CADPS2: variants seen among roughly 807,000 people sequenced by gnomAD.
The protein encoded by CADPS2 is calcium dependent secretion activator 2.
In CADPS2, 93 loss-of-function variants were observed where a neutral mutation model predicts 172.5. The observed-to-expected ratio is 0.54, with a 90% CI of 0.46 to 0.64. The LOEUF is 0.64. CADPS2 is among the 30% of genes least tolerant of loss of function. The pLI is 0.00. For synonymous variants in CADPS2, 546 were observed against 555.2 expected, an observed-to-expected ratio of 0.98 and a Z score of 0.23; for missense variants, 1,420 against 1,565.9, an observed-to-expected ratio of 0.91 and a Z score of 1.57.
intron 1 of CADPS2, among the ~76,000 whole-genome samples, chr7:122,879,014 T>C (rs1265783160): frequency 6.6e-6 from 1 of 152,084 alleles, no homozygotes; most frequent in African/African-American, 2.4e-5. Context: ...GGCGGGCAGA[T>C]CACCTGAGGC....
At chr7:122,550,058 AGT>A (rs72068486) in intron 8 of CADPS2, among the ~76,000 whole-genome samples, 4,234 of 152,256 alleles carry the variant, frequency 0.028, 73 homozygotes, top group South Asian at 0.055. Flanking sequence ...CTGAATATTT[AGT>A]GTGTGAATGC....
intron 8 of CADPS2, among the ~76,000 whole-genome samples, chr7:122,521,930 A>G (rs912936826): frequency 5.9e-5 from 9 of 152,254 alleles, no homozygotes; most frequent in African/African-American, 1.9e-4. Context: ...AGTTTAAAAC[A>G]GTTTAAGACA....
In CADPS2 at chr7:122,387,789, CA is replaced by C. The variant is rs568205789; in HGVS notation, c.3165-617del. On this transcript the variant is annotated intron_variant, in intron 23 of 29. Transcript: ENST00000449022. ...ATCCACAGAATCGAGACATCAAAAT[CA>C]AAGATGATTTTTAAAAAACATTAAA... Among the ~76,000 whole-genome samples, 506 of 152,096 alleles carry C rather than the reference CA, an allele frequency of 3.3e-3. 12 individuals are homozygous for C. The Middle Eastern group carries it at 0.068, about 20-fold the overall frequency.
At chr7:122,645,603 T>C (rs1415549874) in intron 3 of CADPS2, among the ~76,000 whole-genome samples, 2 of 136,346 alleles carry the variant, frequency 1.5e-5, no homozygotes, top group African/African-American at 5.4e-5. Context: ...TATATATATA[T>C]ATACACACAC....
chr7:122,386,902 T>A (rs921821494), intron 24 of CADPS2, 124 bp downstream of exon 24: 7 of 932,456 alleles, frequency 7.5e-6, no homozygotes, highest in Non-Finnish European at 9.4e-6. Flanking sequence ...ATAGTAAAGA[T>A]CAAACGTTTG....
intron 8 of CADPS2, among the ~76,000 whole-genome samples, chr7:122,549,614 C>G (rs2063998825): frequency 6.8e-6 from 1 of 146,726 alleles, no homozygotes; most frequent in African/African-American, 2.6e-5. Flanking sequence ...GAGTGAGACT[C>G]TGTCTTAAAA....
chr7:122,680,136 AC>A (rs2082866520), intron 2 of CADPS2, among the ~76,000 whole-genome samples: 1 of 152,238 alleles, frequency 6.6e-6, no homozygotes. Flanking sequence ...TTCTTGGCAC[AC>A]AAAAAAAGTA....
At position 122,763,347 on chromosome 7, in the gene CADPS2, G is replaced by C. The variant is rs559649415; in HGVS notation, c.340-26279C>G. On this transcript the variant is annotated intron_variant, in intron 1 of 29. Transcript: ENST00000449022. ...AAAAGCAAAGGGGATAGTGTGATGA[G>C]AGTGCTGAATCCTACTCCACGACAA... 3.3e-5 allele frequency among the ~76,000 whole-genome samples: 5 copies of C among 152,278 alleles called. No individual in the cohort carries two copies. In the South Asian group the frequency reaches 6.2e-4, roughly 19 times the overall value.
intron 3 of CADPS2, among the ~76,000 whole-genome samples, chr7:122,644,670 A>G (rs1269795610): frequency 3.9e-5 from 6 of 152,180 alleles, no homozygotes; most frequent in Non-Finnish European, 8.8e-5. Context: ...AACAAAAATA[A>G]AAACTGGTCC....
At chr7:122,689,807 CTT>C (rs1461736824) in intron 2 of CADPS2, among the ~76,000 whole-genome samples, 1 of 152,192 alleles carries the variant, frequency 6.6e-6, no homozygotes, top group Non-Finnish European at 1.5e-5. Context: ...CCCACAGTGA[CTT>C]TACCCCAGTG....
intron 3 of CADPS2, among the ~76,000 whole-genome samples, chr7:122,656,690 C>T (rs1473881779): frequency 6.6e-6 from 1 of 152,156 alleles, no homozygotes; most frequent in East Asian, 1.9e-4. Context: ...AAAAGAGCTG[C>T]AGGATGTAGA....
intron 27 of CADPS2, among the ~76,000 whole-genome samples, chr7:122,348,252 A>G (rs1005788245): frequency 2.6e-5 from 4 of 152,188 alleles, no homozygotes; most frequent in African/African-American, 9.6e-5. Flanking sequence ...TTTACCATAG[A>G]CACTACGGTA....
intron 1 of CADPS2, among the ~76,000 whole-genome samples, chr7:122,882,618 T>C (rs1823219340): frequency 2.2e-5 from 1 of 46,356 alleles, no homozygotes. Context: ...CAAGGAACCC[T>C]TTTTTTTTTT....
At position 122,500,344 on chromosome 7, in the gene CADPS2, T is replaced by C. The variant is rs558927796; in HGVS notation, c.1543-8924A>G. Among the ~76,000 whole-genome samples, 6 of 152,276 alleles carry C rather than the reference T, an allele frequency of 3.9e-5. No individual in the cohort carries two copies. The South Asian group carries it at 8.3e-4, about 21-fold the overall frequency. On this transcript the variant is annotated intron_variant, in intron 9 of 29. Coordinates refer to ENST00000449022, the MANE Select transcript of CADPS2 (RefSeq NM_017954.11). Reference sequence around the variant, plus strand: ...ATTTTGGCACGAAATTTATTTCAATTCAGTAAATATTCTGCCATATTTGAA... The same window carrying C: ...ATTTTGGCACGAAATTTATTTCAATCCAGTAAATATTCTGCCATATTTGAA...
At chr7:122,372,935 T>C (rs1182190212) in intron 25 of CADPS2, among the ~76,000 whole-genome samples, 1 of 152,202 alleles carries the variant, frequency 6.6e-6, no homozygotes, top group Non-Finnish European at 1.5e-5. Context: ...TAAAGGACTT[T>C]GAGAACTATG....
chr7:122,736,643 G>C (rs567941350), intron 2 of CADPS2, among the ~76,000 whole-genome samples: 31 of 152,246 alleles, frequency 2.0e-4, no homozygotes, highest in African/African-American at 7.0e-4. Flanking sequence ...AGATTTAAAA[G>C]GATAATTTAG....
chr7:122,417,915 C>T (rs1045540183), intron 17 of CADPS2, among the ~76,000 whole-genome samples: 2 of 152,106 alleles, frequency 1.3e-5, no homozygotes, highest in Non-Finnish European at 2.9e-5. Context: ...GTAATAACAA[C>T]CATTAGAAAT....
At chr7:122,745,655 C>T (rs1208513865) in intron 1 of CADPS2, among the ~76,000 whole-genome samples, 1 of 149,786 alleles carries the variant, frequency 6.7e-6, no homozygotes, top group East Asian at 2.0e-4. Flanking sequence ...TAAGGCCTAG[C>T]ACATAGAATA....
At chr7:122,386,196 T>C (rs2043645035) in intron 24 of CADPS2, 1 of 864,588 alleles carries the variant, frequency 1.2e-6, no homozygotes, top group South Asian at 2.9e-5. Flanking sequence ...AAAATAAATT[T>C]ATATAATTTT....
Sources: gnomAD v4.1 joint callset for allele counts (sites outside exome capture counted in the v4.1 genomes callset) on GRCh38, gnomAD v4.1.1 for gene constraint, MANE v1.5 for transcripts, NCBI Gene and HGNC (gene_info 2026-07-23, HGNC 2026-07-21) for gene names.